The following ARID1B variants were observed in gnomAD, a reference collection of about 807,000 sequenced individuals.
The protein encoded by ARID1B is AT-rich interaction domain 1B, also known as AT-rich interactive domain-containing protein 1B.
ARID1B carries 30 observed loss-of-function variants against 212.3 expected under a neutral mutation model. The observed-to-expected ratio is 0.14, with a 90% confidence interval of 0.11 to 0.19. The LOEUF (loss-of-function observed/expected upper bound fraction) is 0.19. ARID1B is among the 10% of genes least tolerant of loss of function. The pLI is 1.00. For synonymous variants in ARID1B, 1,402 were observed against 1,301.7 expected (o/e 1.08, Z -1.66); for missense variants, 2,891 against 3,204.0 (o/e 0.90, Z 2.36).
At chr6:156,794,773 G>A (rs1225119429) in intron 1 of ARID1B, among the ~76,000 whole-genome samples, 5 of 151,698 alleles carry the variant, frequency 3.3e-5, no homozygotes, top group Admixed American at 6.6e-5. Context: ...AGAGACGGGG[G>A]TTTTGCCATG....
At chr6:156,781,673 C>T (rs923347803) in intron 1 of ARID1B, among the ~76,000 whole-genome samples, 1 of 151,932 alleles carries the variant, frequency 6.6e-6, no homozygotes, top group Non-Finnish European at 1.5e-5. Flanking sequence ...TTTTTCTATT[C>T]TTAATAGAAA....
intron 2 of ARID1B, among the ~76,000 whole-genome samples, chr6:156,868,241 A>G (rs1359185633): frequency 6.6e-6 from 1 of 152,232 alleles, no homozygotes; most frequent in Non-Finnish European, 1.5e-5. Flanking sequence ...CCTCCCTGGA[A>G]AGAGAATTGA....
At chr6:157,129,800 G>A (rs999537692) in intron 6 of ARID1B, among the ~76,000 whole-genome samples, 11 of 152,154 alleles carry the variant, frequency 7.2e-5, no homozygotes, top group Non-Finnish European at 1.6e-4. Flanking sequence ...ACCTTGCCTA[G>A]GTAAGAATTC....
At chr6:157,197,012 G>T (rs1042999481) in intron 16 of ARID1B, among the ~76,000 whole-genome samples, 1 of 152,132 alleles carries the variant, frequency 6.6e-6, no homozygotes, top group Non-Finnish European at 1.5e-5. Flanking sequence ...TATTGAAATG[G>T]CTCTGAAAGG....
chr6:157,202,249 C>T (rs1402874386), intron 18 of ARID1B, among the ~76,000 whole-genome samples: 1 of 152,188 alleles, frequency 6.6e-6, no homozygotes, highest in Non-Finnish European at 1.5e-5. Context: ...TCTGGAAGTA[C>T]ACACAGGGTT....
At chr6:156,899,100 A>T (rs1788718054) in intron 2 of ARID1B, among the ~76,000 whole-genome samples, 1 of 152,212 alleles carries the variant, frequency 6.6e-6, no homozygotes, top group Non-Finnish European at 1.5e-5. Context: ...TTCTAGTTTA[A>T]TAAGTCATAA....
intron 8 of ARID1B, among the ~76,000 whole-genome samples, chr6:157,154,769 G>C (rs1790466827): frequency 1.3e-5 from 2 of 151,758 alleles, no homozygotes; most frequent in Non-Finnish European, 2.9e-5. Flanking sequence ...TTTTAGTAGA[G>C]ACGGGCTTTC....
chr6:157,100,272 T>C (rs916431465), intron 5 of ARID1B, among the ~76,000 whole-genome samples: 4 of 152,192 alleles, frequency 2.6e-5, no homozygotes, highest in African/African-American at 9.7e-5. Context: ...CAGGACCTTT[T>C]GGTAAAGGGT....
intron 4 of ARID1B, among the ~76,000 whole-genome samples, chr6:156,968,721 C>T (rs1210146104): frequency 6.6e-6 from 1 of 152,256 alleles, no homozygotes; most frequent in Non-Finnish European, 1.5e-5. Context: ...GCCACCACTT[C>T]TAGCTCTGTC....
intron 3 of ARID1B, among the ~76,000 whole-genome samples, chr6:156,910,646 G>A (rs184498427): frequency 3.9e-5 from 6 of 152,130 alleles, no homozygotes; most frequent in African/African-American, 7.2e-5. Context: ...ATTAGAAAAC[G>A]CATTTTATCC....
chr6:157,029,145 ACAAATGCAT>A (rs1780865425), intron 4 of ARID1B, among the ~76,000 whole-genome samples: 1 of 152,232 alleles, frequency 6.6e-6, no homozygotes, highest in South Asian at 2.1e-4. Flanking sequence ...GGCTAGAGAG[ACAAATGCAT>A]CAAATGCATA....
intron 11 of ARID1B, chr6:157,175,330 T>A (rs1210267760): frequency 3.2e-5 from 5 of 158,506 alleles, no homozygotes; most frequent in Admixed American, 1.3e-4. Flanking sequence ...CATTATGCAC[T>A]TATAGAAGAT....
intron 1 of ARID1B, among the ~76,000 whole-genome samples, chr6:156,809,790 C>G (rs909198948): frequency 2.7e-5 from 4 of 150,274 alleles, no homozygotes; most frequent in African/African-American, 9.8e-5. Flanking sequence ...CTTCTCAAGT[C>G]TGGTGGCTGA....
intron 3 of ARID1B, among the ~76,000 whole-genome samples, chr6:156,911,221 C>T (rs1789844458): frequency 1.3e-5 from 2 of 152,046 alleles, no homozygotes; most frequent in South Asian, 4.1e-4. Context: ...ATAATCTTCC[C>T]TCAATATACG....
In ARID1B at chr6:157,209,498, T is replaced by A. The variant is rs1341215498; in HGVS notation, c.*1607T>A. On this transcript the variant is annotated 3_prime_UTR_variant, in exon 20 of 20. Transcript: ENST00000636930. ...AATTAACTCTAACGACATTGAGGTA[T>A]GATCATTTTCAGTATTTATGGGAGG... The A allele has an allele frequency of 1.3e-5, 3 of 232,936 alleles. No individual in the cohort carries two copies. Among genetic ancestry groups the A allele is most frequent in the African/African-American group, 2.2e-5 (1 of 45,342 alleles). The allele number at this position is 232,936 out of a possible 1,614,324, so 14.4% of individuals were successfully genotyped here.
At chr6:157,074,710 C>T (rs530925605) in intron 4 of ARID1B, among the ~76,000 whole-genome samples, 2 of 152,074 alleles carry the variant, frequency 1.3e-5, no homozygotes, top group Non-Finnish European at 2.9e-5. Flanking sequence ...TTGGGAGTCC[C>T]ATGTCTTATT....
intron 2 of ARID1B, among the ~76,000 whole-genome samples, chr6:156,889,466 G>C (rs1157985185): frequency 6.6e-6 from 1 of 152,206 alleles, no homozygotes; most frequent in Admixed American, 6.5e-5. Context: ...TTCAACACTG[G>C]TTGTAAATGA....
chr6:156,975,680 G>T lies in ARID1B; in HGVS notation c.2247+40104G>T, dbSNP rs75212525. Among the ~76,000 whole-genome samples, 240 of 141,640 alleles carry T rather than the reference G, an allele frequency of 1.7e-3. 1 individual carries two copies. In the East Asian group the frequency reaches 0.043, roughly 25 times the overall value. The allele number at this position is 141,640 out of a possible 152,430, so 92.9% of individuals were successfully genotyped here. A position where few individuals can be genotyped will look rare whatever the true frequency, so the allele number is the denominator to read the frequency against. On this transcript the variant is annotated intron_variant, in intron 4 of 19. Coordinates refer to ENST00000636930, the MANE Select transcript of ARID1B (RefSeq NM_001374828.1). Reference sequence around the variant, plus strand: ...CTGTCTTCTGGCTTTCATTGTTTTGGCAAGAAGTCTTTTTAATTTTATTGT... The same window carrying T: ...CTGTCTTCTGGCTTTCATTGTTTTGTCAAGAAGTCTTTTTAATTTTATTGT...
intron 19 of ARID1B, 86 bp downstream of exon 19, chr6:157,204,082 T>C: frequency 6.5e-7 from 1 of 1,544,896 alleles, no homozygotes; most frequent in Non-Finnish European, 8.9e-7. Context: ...AATGCCTGAG[T>C]TGATGAGCAC....
Sources: allele counts gnomAD v4.1 joint callset (sites outside exome capture counted in the v4.1 genomes callset), GRCh38; gene constraint gnomAD v4.1.1; transcripts MANE v1.5; gene names NCBI Gene and HGNC (gene_info 2026-07-23, HGNC 2026-07-21).